The following ADAM32 variants were observed in gnomAD, a reference collection of about 807,000 sequenced individuals.
ADAM32 encodes the protein disintegrin and metalloproteinase domain-containing protein 32.
A neutral mutation model predicts 114.9 loss-of-function variants in ADAM32; 89 were observed. That is an observed-to-expected ratio of 0.77 (90% confidence interval 0.65 to 0.92). The LOEUF (loss-of-function observed/expected upper bound fraction) is 0.92, where lower values mean the gene tolerates loss of function less well. Ranked by LOEUF, ADAM32 falls within the 40% of genes least tolerant of loss-of-function variation. ADAM32 has a pLI of 0.00. For missense variants in ADAM32, 870 were observed against 932.8 expected (o/e 0.93, Z 0.88); for synonymous variants, 285 against 307.5 (o/e 0.93, Z 0.77).
intron 10 of ADAM32, 79 bp from the exon 11 acceptor site, chr8:39,186,830 A>G: frequency 1.7e-6 from 2 of 1,183,688 alleles, no homozygotes; most frequent in Non-Finnish European, 2.3e-6. Flanking sequence ...AAATAATAAA[A>G]TATTCATAAT....
At chr8:39,151,629 C>G in intron 6 of ADAM32, 81 bp downstream of exon 6, 1 of 1,040,070 alleles carries the variant, frequency 9.6e-7, no homozygotes. Context: ...ATTTATAAGC[C>G]CACTGTAGAA....
At chr8:39,250,029 T>A (rs1284523546) in intron 17 of ADAM32, among the ~76,000 whole-genome samples, 1 of 152,120 alleles carries the variant, frequency 6.6e-6, no homozygotes, top group Non-Finnish European at 1.5e-5. Flanking sequence ...TTTTCTGTAG[T>A]TTGAAAGTTA....
intron 2 of ADAM32, among the ~76,000 whole-genome samples, chr8:39,128,330 T>C (rs1802240287): frequency 6.6e-6 from 1 of 152,208 alleles, no homozygotes; most frequent in African/African-American, 2.4e-5. Flanking sequence ...TGTCAGAAAC[T>C]AGGTTTGTAA....
chr8:39,274,091 G>GCA (rs1180130706), intron 20 of ADAM32, among the ~76,000 whole-genome samples: 1 of 152,118 alleles, frequency 6.6e-6, no homozygotes, highest in Admixed American at 6.5e-5. Flanking sequence ...TCTCCTCATT[G>GCA]CAGGATTTGA....
intron 2 of ADAM32, among the ~76,000 whole-genome samples, chr8:39,126,408 A>G (rs1005754613): frequency 6.6e-6 from 1 of 152,130 alleles, no homozygotes; most frequent in African/African-American, 2.4e-5. Context: ...CGTTAGCTGC[A>G]TTCCTAGGTA....
chr8:39,277,714 C>T (rs1296685350), intron 22 of ADAM32, among the ~76,000 whole-genome samples: 1 of 152,240 alleles, frequency 6.6e-6, no homozygotes, highest in East Asian at 1.9e-4. Context: ...AGGGAGCATG[C>T]AGGTGAGCAG....
At position 39,147,177 on chromosome 8, in the gene ADAM32, C is replaced by G; in HGVS notation, c.248C>G (p.Ser83Cys). Reference protein sequence around the residue: ...NFMIYLYNQGSMNTYSSDIQT... With the variant: ...NFMIYLYNQGCMNTYSSDIQT... The stretch of plus-strand genomic sequence containing the variant: ...ATGATCTATTTGTACAATCAAGGAT[C>G]TATGAATACTTATTCTTCAGATATT... The change falls in exon 4 of 25, where the codon TCT (serine) becomes TGT (cysteine). Residue 83 changes from serine (S) to cysteine (C), a missense_variant. Physicochemically the swap from Ser to Cys is moderately radical, Grantham distance 112. Coordinates refer to ENST00000379907, the MANE Select transcript of ADAM32 (RefSeq NM_145004.7). The G allele has an allele frequency of 9.8e-7, 1 of 1,020,552 alleles. No individual in the cohort carries two copies. The allele number at this position is 1,020,552 out of a possible 1,614,324, so 63.2% of individuals were successfully genotyped here.
At chr8:39,195,369 T>G (rs940265648) in intron 11 of ADAM32, among the ~76,000 whole-genome samples, 1 of 152,240 alleles carries the variant, frequency 6.6e-6, no homozygotes, top group Non-Finnish European at 1.5e-5. Flanking sequence ...AATATTTTCT[T>G]TTATTCTACA....
intron 10 of ADAM32, among the ~76,000 whole-genome samples, chr8:39,180,509 T>C (rs1433748794): frequency 6.6e-6 from 1 of 152,004 alleles, no homozygotes; most frequent in East Asian, 1.9e-4. Flanking sequence ...GGCTGAGGAG[T>C]ACGAGCACAT....
intron 16 of ADAM32, among the ~76,000 whole-genome samples, chr8:39,236,618 A>C (rs1212710137): frequency 1.3e-5 from 2 of 152,172 alleles, no homozygotes; most frequent in African/African-American, 4.8e-5. Context: ...CATAACCTAC[A>C]TCAGCGTGGT....
intron 1 of ADAM32, among the ~76,000 whole-genome samples, chr8:39,117,741 G>A (rs1213521429): frequency 1.3e-5 from 2 of 151,918 alleles, no homozygotes; most frequent in Non-Finnish European, 2.9e-5. Context: ...TTAAAGTAAT[G>A]ATTAGTTATT....
rs771061077 is a variant in ADAM32 at position 39,186,918 on chromosome 8, G to A, written c.925G>A (p.Glu309Lys). ...TTTGTTGTTATTATAGTACCCCAAG[G>A]AGATAACTCTGGAGGCATTTGCAGT... ...YSAGVALYPK[E>K]ITLEAFAVIV... The change falls in exon 11 of 25, where the codon GAG (glutamate) becomes AAG (lysine). Residue 309 changes from glutamate to lysine, a missense_variant. Coordinates refer to ENST00000379907, the MANE Select transcript of ADAM32 (RefSeq NM_145004.7). 41 of 1,608,962 alleles carry A rather than the reference G, an allele frequency of 2.5e-5. No individual in the cohort carries two copies. The highest frequency in any genetic ancestry group is 3.4e-5 in the Non-Finnish European group (40 of 1,177,428).
chr8:39,127,606 T>C (rs1802192595), intron 2 of ADAM32, among the ~76,000 whole-genome samples: 1 of 152,140 alleles, frequency 6.6e-6, no homozygotes, highest in Non-Finnish European at 1.5e-5. Context: ...ATCTATATTA[T>C]TATTTTTTTC....
intron 16 of ADAM32, among the ~76,000 whole-genome samples, chr8:39,237,219 A>C (rs1810211226): frequency 6.6e-6 from 1 of 152,172 alleles, no homozygotes; most frequent in South Asian, 2.1e-4. Flanking sequence ...TTCTCAGGGA[A>C]GCCCTGGGAA....
Position 39,169,930 on chromosome 8 carries a change from C to T in ADAM32, c.848C>T (p.Pro283Leu). ...IAYLLIYMDY[P>L]RYLGAVFPGT... ...TATTTATTTAGTTATATGGATTATC[C>T]TCGTTATTTGGGAGCAGTGTTTCCT... The change falls in exon 10 of 25, where the codon CCT becomes CTT. Residue 283 changes from proline (P) to leucine (L), a missense_variant. Pro to Leu is a moderately conservative substitution (Grantham distance 98, BLOSUM62 -3). Transcript: ENST00000379907. 6.3e-7 allele frequency: 1 copy of T among 1,592,636 alleles called. No individual in the cohort carries two copies. Among genetic ancestry groups the T allele is most frequent in the East Asian group, 2.2e-5 (1 of 44,490 alleles).
intron 22 of ADAM32, among the ~76,000 whole-genome samples, chr8:39,278,925 C>T (rs1011600711): frequency 2.6e-5 from 4 of 152,020 alleles, no homozygotes; most frequent in African/African-American, 4.8e-5. Flanking sequence ...TTTCTGAAAG[C>T]GTTTTGTAAT....
At chr8:39,219,554 T>C (rs1213425756) in intron 12 of ADAM32, among the ~76,000 whole-genome samples, 1 of 152,182 alleles carries the variant, frequency 6.6e-6, no homozygotes, top group African/African-American at 2.4e-5. Context: ...TTGAATTCAA[T>C]GCAAAGCCTC....
chr8:39,144,146 GA>G (rs1803352606), intron 3 of ADAM32, among the ~76,000 whole-genome samples: 1 of 152,164 alleles, frequency 6.6e-6, no homozygotes, highest in African/African-American at 2.4e-5. Context: ...CCTTGGCTAG[GA>G]AAGGTAAATC....
intron 17 of ADAM32, among the ~76,000 whole-genome samples, chr8:39,253,868 A>G (rs1811462427): frequency 6.6e-6 from 1 of 151,658 alleles, no homozygotes; most frequent in Admixed American, 6.6e-5. Flanking sequence ...AATCCTTATC[A>G]GAATCTCCAT....
Sources: allele counts gnomAD v4.1 joint callset (sites outside exome capture counted in the v4.1 genomes callset), GRCh38; gene constraint gnomAD v4.1.1; transcripts MANE v1.5; gene names NCBI Gene and HGNC (gene_info 2026-07-23, HGNC 2026-07-21).